Variants in NAV3 observed in about 807,000 individuals in gnomAD.
The protein encoded by NAV3 is pore membrane and/or filament interacting like protein 1.
Under a neutral mutation model 244.7 loss-of-function variants are expected in NAV3, and 87 were observed. That is an observed-to-expected ratio of 0.36 (90% CI 0.30 to 0.42). NAV3 has a LOEUF of 0.42. NAV3 is among the 20% of genes least tolerant of loss of function. The pLI, the probability that NAV3 is intolerant of heterozygous loss-of-function variation, is 1.00. For missense variants in NAV3, 2,663 were observed against 2,893.3 expected, an observed-to-expected ratio of 0.92 and a Z score of 1.83; for synonymous variants, 1,126 against 1,042.2, an observed-to-expected ratio of 1.08 and a Z score of -1.55.
intron 24 of NAV3, among the ~76,000 whole-genome samples, chr12:78,174,214 C>G (rs1408961876): frequency 6.6e-6 from 1 of 151,662 alleles, no homozygotes; most frequent in Non-Finnish European, 1.5e-5. Flanking sequence ...AATACTAGTG[C>G]ATTTTAGGTA....
intron 2 of NAV3, among the ~76,000 whole-genome samples, chr12:77,602,649 G>A (rs543545176): frequency 6.6e-6 from 1 of 151,690 alleles, no homozygotes; most frequent in African/African-American, 2.4e-5. Flanking sequence ...AGACAGATAG[G>A]GGGGAATGTG....
intron 2 of NAV3, among the ~76,000 whole-genome samples, chr12:77,749,210 C>A (rs1038202926): frequency 6.6e-6 from 1 of 152,128 alleles, no homozygotes. Context: ...TTCATATGAA[C>A]TACATTTCTA....
chr12:77,613,678 GA>G (rs1871023737), intron 2 of NAV3, among the ~76,000 whole-genome samples: 1 of 152,158 alleles, frequency 6.6e-6, no homozygotes. Flanking sequence ...GGTGAGGCTG[GA>G]AGGGTAGTGT....
chr12:78,033,464 C>T (rs1171016010), intron 9 of NAV3, among the ~76,000 whole-genome samples: 2 of 152,064 alleles, frequency 1.3e-5, no homozygotes, highest in African/African-American at 4.8e-5. Flanking sequence ...CTTTGCACTG[C>T]ACCTTCCTCC....
intron 2 of NAV3, among the ~76,000 whole-genome samples, chr12:77,788,133 A>T (rs1387119531): frequency 3.9e-5 from 6 of 152,224 alleles, no homozygotes; most frequent in Non-Finnish European, 8.8e-5. Flanking sequence ...TGTATAAAAT[A>T]TAAATCATCG....
chr12:77,814,871 A>G (rs1359144197), intron 2 of NAV3, among the ~76,000 whole-genome samples: 1 of 152,244 alleles, frequency 6.6e-6, no homozygotes, highest in African/African-American at 2.4e-5. Context: ...TTGAGTGTGC[A>G]GCCCCAGTTT....
chr12:78,178,321 G>A (rs1313942582), intron 28 of NAV3, among the ~76,000 whole-genome samples: 1 of 151,540 alleles, frequency 6.6e-6, no homozygotes, highest in Non-Finnish European at 1.5e-5. Context: ...CACCACACCT[G>A]GCTAATTTTT....
intron 2 of NAV3, among the ~76,000 whole-genome samples, chr12:77,617,265 A>T (rs978018546): frequency 2.0e-5 from 3 of 152,142 alleles, no homozygotes; most frequent in Non-Finnish European, 4.4e-5. Flanking sequence ...AGTGATCCCC[A>T]CCATCTGGTG....
At chr12:78,069,996 C>A (rs1015021844) in intron 12 of NAV3, among the ~76,000 whole-genome samples, 3 of 151,992 alleles carry the variant, frequency 2.0e-5, no homozygotes, top group Admixed American at 2.0e-4. Context: ...GATGATAAAA[C>A]CTTTTTACTG....
chr12:77,756,183 G>A (rs1377079427), intron 2 of NAV3, among the ~76,000 whole-genome samples: 1 of 152,070 alleles, frequency 6.6e-6, no homozygotes, highest in Non-Finnish European at 1.5e-5. Flanking sequence ...GTTTTTTAAT[G>A]CTTGTGCCTT....
At chr12:77,803,961 G>A (rs1003610829) in intron 2 of NAV3, among the ~76,000 whole-genome samples, 5 of 151,984 alleles carry the variant, frequency 3.3e-5, no homozygotes, top group African/African-American at 1.2e-4. Flanking sequence ...CTTCACCCAC[G>A]TTTTGATGGA....
intron 2 of NAV3, among the ~76,000 whole-genome samples, chr12:77,766,779 A>G (rs7131813): frequency 0.023 from 946 of 41,902 alleles, 22 homozygotes; most frequent in African/African-American, 0.055. Flanking sequence ...TTTGAGACGG[A>G]GTCTCGCTCT....
At chr12:78,010,040 C>A (rs1874991261) in intron 8 of NAV3, among the ~76,000 whole-genome samples, 1 of 152,076 alleles carries the variant, frequency 6.6e-6, no homozygotes, top group Non-Finnish European at 1.5e-5. Flanking sequence ...CAGAGCAAGA[C>A]CCTGTTTCTA....
At chr12:77,752,341 T>G (rs1159238658) in intron 2 of NAV3, among the ~76,000 whole-genome samples, 1 of 152,204 alleles carries the variant, frequency 6.6e-6, no homozygotes, top group Non-Finnish European at 1.5e-5. Flanking sequence ...ATAGACAGGA[T>G]GTTTGTGTCG....
intron 1 of NAV3, among the ~76,000 whole-genome samples, chr12:77,926,890 C>T (rs138881651): frequency 6.6e-6 from 1 of 152,178 alleles, no homozygotes; most frequent in Non-Finnish European, 1.5e-5. Context: ...GAGAAATGCT[C>T]AGGTCAGAAG....
chr12:77,838,624 T>C (rs1020197310), intron 1 of NAV3, among the ~76,000 whole-genome samples: 21 of 152,196 alleles, frequency 1.4e-4, no homozygotes, highest in Admixed American at 1.1e-3. Flanking sequence ...TCTAAATATA[T>C]TGTTTATAGA....
At chr12:77,859,076 C>A (rs996143891) in intron 1 of NAV3, among the ~76,000 whole-genome samples, 5 of 152,018 alleles carry the variant, frequency 3.3e-5, no homozygotes, top group Non-Finnish European at 5.9e-5. Flanking sequence ...TTTAAATGAA[C>A]AAGTGTATGT....
chr12:78,128,652 C>T (rs1956029580), intron 17 of NAV3, 54 bp from the exon 18 acceptor site: 1 of 1,546,298 alleles, frequency 6.5e-7, no homozygotes. Context: ...CCTGTCCTGG[C>T]ATTGCCTTGC....
At chr12:77,776,972 G>C (rs1329819980) in intron 2 of NAV3, among the ~76,000 whole-genome samples, 1 of 152,162 alleles carries the variant, frequency 6.6e-6, no homozygotes, top group Non-Finnish European at 1.5e-5. Flanking sequence ...AGCAAGAATT[G>C]AGTAAACCAT....
Sources: gnomAD v4.1 joint callset for allele counts (sites outside exome capture counted in the v4.1 genomes callset) on GRCh38, gnomAD v4.1.1 for gene constraint, MANE v1.5 for transcripts, NCBI Gene and HGNC (gene_info 2026-07-23, HGNC 2026-07-21) for gene names.